The following IQCH variants were observed in gnomAD, a reference collection of about 807,000 sequenced individuals.
IQCH encodes the protein IQ motif containing H.
A neutral mutation model predicts 117.0 loss-of-function variants in IQCH; 98 were observed. The ratio of observed to expected loss-of-function variants is 0.84; its 90% CI spans 0.71 to 0.99. The LOEUF (loss-of-function observed/expected upper bound fraction) is 0.99, where lower values mean the gene tolerates loss of function less well. Ranked by LOEUF, IQCH falls within the 50% of genes least tolerant of loss-of-function variation. The pLI, the probability that IQCH is intolerant of heterozygous loss-of-function variation, is 0.00. For missense variants in IQCH, 1,102 were observed against 1,243.8 expected, an observed-to-expected ratio of 0.89 and a Z score of 1.72; for synonymous variants, 412 against 448.2, an observed-to-expected ratio of 0.92 and a Z score of 1.02.
At chr15:67,306,087 G>T (rs1035076125) in intron 4 of IQCH, among the ~76,000 whole-genome samples, 3 of 151,772 alleles carry the variant, frequency 2.0e-5, no homozygotes, top group South Asian at 2.1e-4. Flanking sequence ...CAAACTGTTG[G>T]CCTTTTGATC....
intron 4 of IQCH, among the ~76,000 whole-genome samples, chr15:67,304,750 T>G (rs1967216037): frequency 6.6e-6 from 1 of 152,112 alleles, no homozygotes; most frequent in African/African-American, 2.4e-5. Flanking sequence ...CAAAAAGAAT[T>G]AATAGAGAAA....
intron 6 of IQCH, among the ~76,000 whole-genome samples, chr15:67,353,173 C>G (rs1038755150): frequency 6.7e-6 from 1 of 149,090 alleles, no homozygotes; most frequent in African/African-American, 2.5e-5. Context: ...AAAAAGAAAA[C>G]AAGAACAATT....
At chr15:67,429,363 T>A (rs964766454) in intron 16 of IQCH, among the ~76,000 whole-genome samples, 8 of 152,038 alleles carry the variant, frequency 5.3e-5, no homozygotes, top group Middle Eastern at 3.4e-3. Context: ...AAAAATTTTT[T>A]AAAAATTAGC....
At chr15:67,461,287 TATTTGCTGC>T (rs1427662934) in intron 16 of IQCH, among the ~76,000 whole-genome samples, 1 of 152,190 alleles carries the variant, frequency 6.6e-6, no homozygotes, top group Non-Finnish European at 1.5e-5. Context: ...GCTCAGTGAA[TATTTGCTGC>T]ATTTGAATCT....
In IQCH at chr15:67,394,992, C is replaced by T. The variant is rs75627484; in HGVS notation, c.1633-299C>T. On this transcript the variant is annotated intron_variant, in intron 12 of 20. Coordinates refer to ENST00000335894, the MANE Select transcript of IQCH (RefSeq NM_001031715.3). ...TGTTGCAGAGATGACTTGCTATTAC[C>T]CAAAGGCCGCCAGCCTCTTTTCCTT... is the stretch of plus-strand genomic sequence containing the variant. 1.1e-3 allele frequency among the ~76,000 whole-genome samples: 171 copies of T among 152,130 alleles called. 4 individuals carry two copies. The East Asian group carries it at 0.03, about 27-fold the overall frequency.
intron 4 of IQCH, among the ~76,000 whole-genome samples, chr15:67,291,059 AAC>A (rs1347981216): frequency 1.3e-5 from 2 of 152,266 alleles, no homozygotes; most frequent in Non-Finnish European, 2.9e-5. Context: ...AGAAGACAGA[AAC>A]ACAATCATTA....
chr15:67,269,842 T>G (rs998857885), intron 3 of IQCH, among the ~76,000 whole-genome samples: 3 of 152,214 alleles, frequency 2.0e-5, no homozygotes, highest in Non-Finnish European at 4.4e-5. Flanking sequence ...TAAATAATAT[T>G]CCATTGTGTA....
intron 10 of IQCH, among the ~76,000 whole-genome samples, chr15:67,374,915 T>A (rs74020149): frequency 0.02 from 3,026 of 152,272 alleles, 87 homozygotes; most frequent in African/African-American, 0.065. Context: ...ATGGGAAATT[T>A]TGTTTTGCTT....
chr15:67,297,885 A>G (rs925697430), intron 4 of IQCH, among the ~76,000 whole-genome samples: 15 of 152,268 alleles, frequency 9.9e-5, no homozygotes, highest in Middle Eastern at 3.4e-3. Context: ...GAAACCATCA[A>G]CAAAGAGACA....
chr15:67,312,254 G>T (rs570414436), intron 4 of IQCH, among the ~76,000 whole-genome samples: 1 of 152,054 alleles, frequency 6.6e-6, no homozygotes, highest in South Asian at 2.1e-4. Context: ...ACCTATGATA[G>T]GTTTAGGGTA....
At chr15:67,323,343 C>T (rs745428751) in intron 4 of IQCH, among the ~76,000 whole-genome samples, 2 of 149,142 alleles carry the variant, frequency 1.3e-5, no homozygotes, top group African/African-American at 2.5e-5. Flanking sequence ...CCCAGGTTCA[C>T]GCCATTCTCC....
intron 10 of IQCH, chr15:67,373,836 A>G (rs1285079178): frequency 8.0e-6 from 2 of 250,804 alleles, no homozygotes; most frequent in Admixed American, 5.8e-5. Flanking sequence ...TTTTTAATCA[A>G]ATGTGCAGTC....
intron 4 of IQCH, among the ~76,000 whole-genome samples, chr15:67,279,868 G>A (rs907634579): frequency 1.3e-5 from 2 of 152,114 alleles, no homozygotes; most frequent in Non-Finnish European, 2.9e-5. Context: ...CGGGCGTGGT[G>A]GTGGGCGCCT....
intron 1 of IQCH, among the ~76,000 whole-genome samples, chr15:67,256,102 G>T (rs999411861): frequency 2.0e-5 from 3 of 152,056 alleles, no homozygotes; most frequent in African/African-American, 7.2e-5. Flanking sequence ...AGAACTATTC[G>T]CAGAGCTCAG....
intron 4 of IQCH, among the ~76,000 whole-genome samples, chr15:67,321,372 T>C (rs1447842471): frequency 1.3e-5 from 2 of 152,180 alleles, no homozygotes; most frequent in African/African-American, 4.8e-5. Context: ...TTTATCATCC[T>C]AAAACCCCTT....
At chr15:67,412,142 G>C (rs907198063) in intron 14 of IQCH, among the ~76,000 whole-genome samples, 1 of 152,222 alleles carries the variant, frequency 6.6e-6, no homozygotes, top group African/African-American at 2.4e-5. Context: ...CCCAGAGCCA[G>C]TGCAATCATG....
At chr15:67,420,916 T>A (rs1240404366) in intron 15 of IQCH, among the ~76,000 whole-genome samples, 1 of 152,246 alleles carries the variant, frequency 6.6e-6, no homozygotes, top group Non-Finnish European at 1.5e-5. Flanking sequence ...AGATGTCAAC[T>A]GTGGACTATG....
At chr15:67,482,780 G>A (rs931892021) in intron 18 of IQCH, among the ~76,000 whole-genome samples, 3 of 152,108 alleles carry the variant, frequency 2.0e-5, no homozygotes, top group Non-Finnish European at 4.4e-5. Flanking sequence ...CGTGGGAAAC[G>A]GGCCTGAGTA....
At chr15:67,446,592 T>A (rs2082397101) in intron 16 of IQCH, among the ~76,000 whole-genome samples, 1 of 152,146 alleles carries the variant, frequency 6.6e-6, no homozygotes, top group African/African-American at 2.4e-5. Context: ...CAGCAGAGCC[T>A]GGACAGGTCA....
Sources: gnomAD v4.1 joint callset for allele counts (sites outside exome capture counted in the v4.1 genomes callset) on GRCh38, gnomAD v4.1.1 for gene constraint, MANE v1.5 for transcripts, NCBI Gene and HGNC (gene_info 2026-07-23, HGNC 2026-07-21) for gene names.